HS6ST3: variants seen among roughly 807,000 people sequenced by gnomAD.
HS6ST3 encodes heparan sulfate 6-O-sulfotransferase 3.
A neutral mutation model predicts 36.7 loss-of-function variants in HS6ST3; 12 were observed. That is an observed-to-expected ratio of 0.33 (90% CI 0.21 to 0.53). The LOEUF (loss-of-function observed/expected upper bound fraction) is 0.53. Among genes scored for constraint, HS6ST3 ranks in the 20% least tolerant of loss-of-function variants. The probability of loss-of-function intolerance (pLI) is 0.95; values close to 1 mark genes in which losing one functional copy is unlikely to be tolerated. For missense variants in HS6ST3, 584 were observed against 640.9 expected (o/e 0.91, Z 0.96); for synonymous variants, 240 against 257.5 (o/e 0.93, Z 0.65).
intron 1 of HS6ST3, among the ~76,000 whole-genome samples, chr13:96,747,453 T>C (rs1876588459): frequency 6.6e-6 from 1 of 152,194 alleles, no homozygotes; most frequent in Admixed American, 6.5e-5. Flanking sequence ...TTTTCTTTTA[T>C]GTGCCATATG....
chr13:96,391,026 T>C (rs1202241038), intron 1 of HS6ST3, among the ~76,000 whole-genome samples: 2 of 152,342 alleles, frequency 1.3e-5, no homozygotes, highest in East Asian at 3.9e-4. Flanking sequence ...TCTGCCAGCC[T>C]GATCCCTGAT....
intron 1 of HS6ST3, among the ~76,000 whole-genome samples, chr13:96,399,399 G>A (rs565108768): frequency 7.6e-4 from 115 of 152,174 alleles, no homozygotes; most frequent in Non-Finnish European, 1.2e-3. Context: ...TGACGTGTCT[G>A]TAACAGGGTT....
chr13:96,466,147 G>A (rs2055812660), intron 1 of HS6ST3, among the ~76,000 whole-genome samples: 2 of 152,030 alleles, frequency 1.3e-5, no homozygotes, highest in South Asian at 4.2e-4. Flanking sequence ...TAGGCGTGGT[G>A]GTGCTCAACT....
intron 1 of HS6ST3, among the ~76,000 whole-genome samples, chr13:96,332,884 G>A (rs1170943131): frequency 1.3e-5 from 2 of 152,216 alleles, no homozygotes; most frequent in Non-Finnish European, 2.9e-5. Flanking sequence ...AGGAGGTGGA[G>A]TCTTTTGGAG....
At chr13:96,269,407 C>T (rs1439142149) in intron 1 of HS6ST3, among the ~76,000 whole-genome samples, 3 of 151,968 alleles carry the variant, frequency 2.0e-5, no homozygotes, top group African/African-American at 7.3e-5. Flanking sequence ...TGGTGTTTAT[C>T]AACCTATTCC....
At chr13:96,720,582 G>A (rs1300593291) in intron 1 of HS6ST3, among the ~76,000 whole-genome samples, 1 of 152,076 alleles carries the variant, frequency 6.6e-6, no homozygotes, top group East Asian at 1.9e-4. Flanking sequence ...CAGCATATCT[G>A]GTTAGCTATA....
intron 1 of HS6ST3, among the ~76,000 whole-genome samples, chr13:96,510,207 C>A (rs946649238): frequency 1.3e-5 from 2 of 151,812 alleles, no homozygotes; most frequent in African/African-American, 4.8e-5. Context: ...TGATGTATAG[C>A]AGTGCTACTG....
intron 1 of HS6ST3, among the ~76,000 whole-genome samples, chr13:96,402,668 C>A (rs1480129213): frequency 6.6e-6 from 1 of 152,186 alleles, no homozygotes; most frequent in African/African-American, 2.4e-5. Context: ...TGAATGGAAT[C>A]ATAAAGTGCA....
intron 1 of HS6ST3, among the ~76,000 whole-genome samples, chr13:96,273,949 CT>C (rs1208233674): frequency 8.5e-6 from 1 of 117,664 alleles, no homozygotes; most frequent in Non-Finnish European, 1.8e-5. Flanking sequence ...CCCTCCCTCC[CT>C]TCCTTCCTTC....
chr13:96,210,311 G>A (rs970466143), intron 1 of HS6ST3, among the ~76,000 whole-genome samples: 2 of 152,208 alleles, frequency 1.3e-5, no homozygotes, highest in Non-Finnish European at 2.9e-5. Flanking sequence ...CACCCAACCT[G>A]TGATAACTAG....
chr13:96,247,740 T>C (rs2054590995), intron 1 of HS6ST3, among the ~76,000 whole-genome samples: 1 of 152,116 alleles, frequency 6.6e-6, no homozygotes, highest in Non-Finnish European at 1.5e-5. Flanking sequence ...TGGATGGCTT[T>C]GAACTGGCAA....
chr13:96,306,491 G>T (rs555575195), intron 1 of HS6ST3, among the ~76,000 whole-genome samples: 2 of 152,244 alleles, frequency 1.3e-5, no homozygotes, highest in East Asian at 3.9e-4. Flanking sequence ...GATTACAGGC[G>T]TGAGTCACCG....
chr13:96,671,822 G>A (rs1237417724), intron 1 of HS6ST3, among the ~76,000 whole-genome samples: 1 of 152,054 alleles, frequency 6.6e-6, no homozygotes, highest in Non-Finnish European at 1.5e-5. Flanking sequence ...GAGGTAGGAT[G>A]GGTTAAGACC....
intron 1 of HS6ST3, among the ~76,000 whole-genome samples, chr13:96,792,363 A>T (rs565584414): frequency 6.6e-6 from 1 of 152,056 alleles, no homozygotes; most frequent in South Asian, 2.1e-4. Flanking sequence ...TTTGAAAAAA[A>T]CTAAATTTTG....
chr13:96,143,740 AC>A (rs1428533462), intron 1 of HS6ST3, among the ~76,000 whole-genome samples: 1 of 152,180 alleles, frequency 6.6e-6, no homozygotes, highest in Non-Finnish European at 1.5e-5. Context: ...GGAGCTGGTT[AC>A]ACAGTTTGTA....
intron 1 of HS6ST3, among the ~76,000 whole-genome samples, chr13:96,312,627 A>T (rs1411571887): frequency 6.6e-6 from 1 of 152,114 alleles, no homozygotes; most frequent in Non-Finnish European, 1.5e-5. Context: ...TTTGGAATTT[A>T]TGTTATTAGC....
Position 96,484,560 on chromosome 13 carries a change from T to G in HS6ST3, c.708-347930T>G, listed in dbSNP as rs574993787. ...ATTGTACTCTTTGCTTCTGCAAGTT[T>G]GACTATTTTAGATTTCACTGTAAGT... On this transcript the variant is annotated intron_variant, in intron 1 of 1. Coordinates refer to ENST00000376705, the MANE Select transcript of HS6ST3 (RefSeq NM_153456.4). Among the ~76,000 whole-genome samples the G allele has an allele frequency of 3.9e-5, 6 of 152,312 alleles. No individual in the cohort carries two copies. In the South Asian group the frequency reaches 1.0e-3, roughly 26 times the overall value.
intron 1 of HS6ST3, among the ~76,000 whole-genome samples, chr13:96,149,277 A>T (rs554614742): frequency 6.6e-6 from 1 of 152,318 alleles, no homozygotes; most frequent in Non-Finnish European, 1.5e-5. Flanking sequence ...CTGAACTGTT[A>T]GTGCCTGCTT....
chr13:96,512,573 G>A (rs1262846915), intron 1 of HS6ST3, among the ~76,000 whole-genome samples: 1 of 151,800 alleles, frequency 6.6e-6, no homozygotes, highest in Non-Finnish European at 1.5e-5. Context: ...GTTCTTCAGT[G>A]GGTTTAAAAT....
Sources: gnomAD v4.1 joint callset for allele counts (sites outside exome capture counted in the v4.1 genomes callset) on GRCh38, gnomAD v4.1.1 for gene constraint, MANE v1.5 for transcripts, NCBI Gene and HGNC (gene_info 2026-07-23, HGNC 2026-07-21) for gene names.